B3GALT1: variants seen among roughly 807,000 people sequenced by gnomAD.
The protein encoded by B3GALT1 is beta-1,3-galactosyltransferase 1.
B3GALT1 carries 10 observed loss-of-function variants against 23.2 expected under a neutral mutation model. That is an observed-to-expected ratio of 0.43 (90% CI 0.27 to 0.73). The LOEUF (loss-of-function observed/expected upper bound fraction) is 0.73. Among genes scored for constraint, B3GALT1 ranks in the 30% least tolerant of loss-of-function variants. The probability of loss-of-function intolerance (pLI) is 0.21; values close to 1 mark genes in which losing one functional copy is unlikely to be tolerated. For synonymous variants in B3GALT1, 156 were observed against 141.5 expected (o/e 1.10, Z -0.73); for missense variants, 299 against 405.4 (o/e 0.74, Z 2.25).
rs574118914 is a variant in B3GALT1 at position 167,597,406 on chromosome 2, T to C, written c.-409-49503T>C. Among the ~76,000 whole-genome samples the C allele has an allele frequency of 1.6e-3, 249 of 152,310 alleles. 1 individual carries two copies. The highest frequency in any genetic ancestry group is 3.1e-3 in the Non-Finnish European group (210 of 68,004). On this transcript the variant is annotated intron_variant, in intron 2 of 4. Transcript: ENST00000392690. The stretch of plus-strand genomic sequence containing the variant: ...CTGGGATTACAGGCATGAGCCACCA[T>C]GCCCAGCCCATTGTCATGTTTGAAT...
chr2:167,716,249 G>A (rs1687146049), intron 3 of B3GALT1, among the ~76,000 whole-genome samples: 1 of 151,710 alleles, frequency 6.6e-6, no homozygotes, highest in African/African-American at 2.4e-5. Flanking sequence ...ACAGGCCCGT[G>A]CTGCCCCCCG....
chr2:167,424,591 A>ATG (rs953307664), intron 1 of B3GALT1, among the ~76,000 whole-genome samples: 7 of 151,290 alleles, frequency 4.6e-5, no homozygotes, highest in East Asian at 3.9e-4. Context: ...GTTTGTGTGT[A>ATG]TGTGTGTGTG....
chr2:167,337,344 C>T lies in B3GALT1; in HGVS notation c.-511+44010C>T, dbSNP rs113898289. ...CTTCCTTTGCCACTCTCTCCAAATG[C>T]GTGCTCACACACACACACTCTCACA... On this transcript the variant is annotated intron_variant, in intron 1 of 4. Transcript: ENST00000392690. Among the ~76,000 whole-genome samples the T allele has an allele frequency of 4.6e-5, 7 of 151,674 alleles. 1 individual carries two copies. Among genetic ancestry groups the T allele is most frequent in the African/African-American group, 1.7e-4 (7 of 41,160 alleles).
chr2:167,808,345 A>G (rs1317101395), intron 3 of B3GALT1, among the ~76,000 whole-genome samples: 1 of 151,598 alleles, frequency 6.6e-6, no homozygotes, highest in East Asian at 1.9e-4. Context: ...TCCTGTCATT[A>G]TGATGTTAGC....
At chr2:167,726,244 A>G (rs1391125726) in intron 3 of B3GALT1, among the ~76,000 whole-genome samples, 4 of 152,128 alleles carry the variant, frequency 2.6e-5, no homozygotes, top group Non-Finnish European at 5.9e-5. Flanking sequence ...TGCTATGACT[A>G]GTTTTTGAAA....
chr2:167,443,795 C>G (rs1698935676), intron 1 of B3GALT1, among the ~76,000 whole-genome samples: 1 of 152,166 alleles, frequency 6.6e-6, no homozygotes, highest in Non-Finnish European at 1.5e-5. Context: ...TCTAAATATA[C>G]AATCATGTCA....
At chr2:167,586,827 C>T (rs981750835) in intron 2 of B3GALT1, among the ~76,000 whole-genome samples, 2 of 152,052 alleles carry the variant, frequency 1.3e-5, no homozygotes, top group African/African-American at 4.8e-5. Context: ...AAGGAAAACA[C>T]AAGGGCGTGC....
rs555417087 is a variant in B3GALT1, at chr2:167,714,522, C to T, written c.-352+67556C>T. ...GGTGAGGGACCATATGGCGAACGCT[C>T]TCTGCCAAATGTTGTATTTGAAACA... On this transcript the variant is annotated intron_variant, in intron 3 of 4. Coordinates refer to ENST00000392690, the MANE Select transcript of B3GALT1 (RefSeq NM_020981.4). 3 of 1,612,206 alleles carry T rather than the reference C, an allele frequency of 1.9e-6. No homozygotes were observed. The Admixed American group carries it at 5.0e-5, about 27-fold the overall frequency.
chr2:167,630,740 G>C (rs1297376332), intron 2 of B3GALT1, among the ~76,000 whole-genome samples: 3 of 151,584 alleles, frequency 2.0e-5, no homozygotes, highest in African/African-American at 7.3e-5. Flanking sequence ...ACCAAACTTT[G>C]TAATTTTCTG....
intron 2 of B3GALT1, among the ~76,000 whole-genome samples, chr2:167,536,164 C>T (rs555274933): frequency 6.6e-6 from 1 of 152,122 alleles, no homozygotes; most frequent in Non-Finnish European, 1.5e-5. Context: ...GCGTCGGCCT[C>T]CCAAAGTGCT....
intron 1 of B3GALT1, among the ~76,000 whole-genome samples, chr2:167,311,623 C>CA (rs797016674): frequency 5.3e-5 from 8 of 151,930 alleles, no homozygotes; most frequent in African/African-American, 1.9e-4. Flanking sequence ...GATCAAAACT[C>CA]AAACTTGAAA....
chr2:167,404,972 A>C (rs1698250690), intron 1 of B3GALT1, among the ~76,000 whole-genome samples: 1 of 152,198 alleles, frequency 6.6e-6, no homozygotes, highest in South Asian at 2.1e-4. Flanking sequence ...AGCACAGGAA[A>C]AAATCCCGAA....
chr2:167,387,660 T>G (rs1171888333), intron 1 of B3GALT1, among the ~76,000 whole-genome samples: 1 of 152,214 alleles, frequency 6.6e-6, no homozygotes, highest in African/African-American at 2.4e-5. Flanking sequence ...CATATTTCAT[T>G]TTAAATACAC....
intron 2 of B3GALT1, among the ~76,000 whole-genome samples, chr2:167,624,728 G>A (rs1685312112): frequency 6.6e-6 from 1 of 152,006 alleles, no homozygotes; most frequent in Non-Finnish European, 1.5e-5. Flanking sequence ...TGAAAGGAGG[G>A]ATTTGGAGGC....
chr2:167,593,945 A>G (rs1377529297), intron 2 of B3GALT1, among the ~76,000 whole-genome samples: 1 of 152,268 alleles, frequency 6.6e-6, no homozygotes, highest in Non-Finnish European at 1.5e-5. Flanking sequence ...TAAACCACCC[A>G]AAAGTGAATT....
At chr2:167,497,845 A>G (rs923838911) in intron 2 of B3GALT1, among the ~76,000 whole-genome samples, 10 of 151,848 alleles carry the variant, frequency 6.6e-5, no homozygotes, top group Non-Finnish European at 4.4e-5. Context: ...CAAGTACCCA[A>G]CATCTCATGT....
chr2:167,803,403 C>T (rs1688679172), intron 3 of B3GALT1, among the ~76,000 whole-genome samples: 1 of 152,146 alleles, frequency 6.6e-6, no homozygotes, highest in African/African-American at 2.4e-5. Flanking sequence ...TTGATCATTA[C>T]TTTACAAAAA....
chr2:167,436,683 A>G (rs577254183), intron 1 of B3GALT1, among the ~76,000 whole-genome samples: 1 of 152,254 alleles, frequency 6.6e-6, no homozygotes, highest in African/African-American at 2.4e-5. Flanking sequence ...CTTACTTTGT[A>G]TACAGGTAAA....
chr2:167,500,278 G>T (rs1276625256), intron 2 of B3GALT1, among the ~76,000 whole-genome samples: 1 of 152,010 alleles, frequency 6.6e-6, no homozygotes, highest in African/African-American at 2.4e-5. Flanking sequence ...GTCCCAAAAG[G>T]CAAGAAAATT....
Sources: gnomAD v4.1 joint callset for allele counts (sites outside exome capture counted in the v4.1 genomes callset) on GRCh38, gnomAD v4.1.1 for gene constraint, MANE v1.5 for transcripts, NCBI Gene and HGNC (gene_info 2026-07-23, HGNC 2026-07-21) for gene names.